YPEL2: variants seen among roughly 807,000 people sequenced by gnomAD.
YPEL2 encodes the protein yippee like 2.
Under a neutral mutation model 19.1 loss-of-function variants are expected in YPEL2, and 2 were observed. The observed-to-expected ratio is 0.10, with a 90% confidence interval of 0.04 to 0.33. The LOEUF is 0.33. Among genes scored for constraint, YPEL2 ranks in the 10% least tolerant of loss-of-function variants. YPEL2 has a pLI of 1.00. For synonymous variants in YPEL2, 52 were observed against 50.0 expected, an observed-to-expected ratio of 1.04 and a Z score of -0.17; for missense variants, 66 against 140.7, an observed-to-expected ratio of 0.47 and a Z score of 2.68.
intron 2 of YPEL2, among the ~76,000 whole-genome samples, chr17:59,380,735 T>G (rs2047945072): frequency 6.6e-6 from 1 of 152,240 alleles, no homozygotes; most frequent in Non-Finnish European, 1.5e-5. Context: ...TATGACTCTT[T>G]GAAGCTTGTG....
intron 2 of YPEL2, among the ~76,000 whole-genome samples, chr17:59,388,088 C>A (rs948675259): frequency 2.6e-5 from 4 of 152,116 alleles, no homozygotes; most frequent in Admixed American, 2.6e-4. Context: ...GGGTTTTTTT[C>A]ATTTTCTCAC....
chr17:59,367,316 C>T (rs2047875270), intron 2 of YPEL2, among the ~76,000 whole-genome samples: 1 of 152,130 alleles, frequency 6.6e-6, no homozygotes, highest in African/African-American at 2.4e-5. Flanking sequence ...CACTAACTTC[C>T]AGAGTAGGGG....
chr17:59,338,185 A>G (rs549738243), intron 1 of YPEL2, among the ~76,000 whole-genome samples: 3 of 152,310 alleles, frequency 2.0e-5, no homozygotes, highest in African/African-American at 7.2e-5. Context: ...TGCTGGCTCC[A>G]TGTGAGCTTA....
At chr17:59,379,222 C>A (rs1261750488) in intron 2 of YPEL2, among the ~76,000 whole-genome samples, 1 of 152,210 alleles carries the variant, frequency 6.6e-6, no homozygotes, top group Non-Finnish European at 1.5e-5. Context: ...TCACCCCTCT[C>A]ACTTTCTCCG....
chr17:59,391,516 T>C (rs191885683), intron 4 of YPEL2, among the ~76,000 whole-genome samples: 2 of 151,938 alleles, frequency 1.3e-5, no homozygotes, highest in African/African-American at 4.8e-5. Context: ...GTGGAAATCA[T>C]TAAAAAAAAA....
chr17:59,353,322 C>A lies in YPEL2; in HGVS notation c.-88C>A. ...CCCGCTGCCAAACCACGGCCTTTAC[C>A]TGTGTCTTCCGGTGTTTCCCGTGCG... On this transcript the variant is annotated 5_prime_UTR_variant, in exon 2 of 5. It adds an upstream start codon to the 5' untranslated region. Transcript: ENST00000312655. This position sits in a 1 kb window ranked among gnomAD's most constrained non-coding sequence, Gnocchi z 4.8. 1 of 966,268 alleles carries A rather than the reference C, an allele frequency of 1.0e-6. No homozygotes were observed. The highest frequency in any genetic ancestry group is 1.6e-6 in the Non-Finnish European group (1 of 633,884). The allele number at this position is 966,268 out of a possible 1,614,324, so 59.9% of individuals were successfully genotyped here.
intron 2 of YPEL2, among the ~76,000 whole-genome samples, chr17:59,369,895 G>A (rs2047888296): frequency 6.6e-6 from 1 of 152,174 alleles, no homozygotes; most frequent in South Asian, 2.1e-4. Flanking sequence ...TAAGGGGCAG[G>A]CATTGTGCTA....
At chr17:59,341,291 C>G (rs145755646) in intron 1 of YPEL2, among the ~76,000 whole-genome samples, 6,125 of 152,060 alleles carry the variant, frequency 0.04, 156 homozygotes, top group Non-Finnish European at 0.048. Flanking sequence ...ACTCGGGAGG[C>G]TGAGGCAGGA....
rs769865106 is a variant in YPEL2 at position 59,353,585 on chromosome 17, A to G, written c.117+59A>G. 1.6e-6 allele frequency: 2 copies of G among 1,285,610 alleles called. No individual in the cohort carries two copies. The highest frequency in any genetic ancestry group is 1.2e-5 in the South Asian group (1 of 84,560). The allele number at this position is 1,285,610 out of a possible 1,614,324, so 79.6% of individuals were successfully genotyped here. A position where few individuals can be genotyped will look rare whatever the true frequency, so the allele number is the denominator to read the frequency against. ...CCGGGGAGGGCGCTTAGTGCTCCTG[A>G]AGTTGCAGAGGTTTACAAGCTCTCA... is the stretch of plus-strand genomic sequence containing the variant. On this transcript the variant is annotated intron_variant, in intron 2 of 4. Coordinates refer to ENST00000312655, the MANE Select transcript of YPEL2 (RefSeq NM_001005404.4). This position sits in a 1 kb window ranked among gnomAD's most constrained non-coding sequence, Gnocchi z 4.8.
chr17:59,360,183 TCTC>T (rs553336119), intron 2 of YPEL2, among the ~76,000 whole-genome samples: 15 of 152,332 alleles, frequency 9.8e-5, no homozygotes, highest in African/African-American at 3.4e-4. Flanking sequence ...TTCACGCCAT[TCTC>T]CTGCCTCAGC....
intron 1 of YPEL2, among the ~76,000 whole-genome samples, chr17:59,341,958 G>T (rs1020505720): frequency 6.6e-6 from 1 of 152,306 alleles, no homozygotes; most frequent in Non-Finnish European, 1.5e-5. Flanking sequence ...TTGGGCTGGC[G>T]ATGGCTGGGT....
chr17:59,382,988 T>C (rs1000166679), intron 2 of YPEL2, among the ~76,000 whole-genome samples: 1 of 152,142 alleles, frequency 6.6e-6, no homozygotes, highest in Admixed American at 6.5e-5. Context: ...TTCACAAATA[T>C]AATTTTAAAA....
intron 4 of YPEL2, among the ~76,000 whole-genome samples, chr17:59,394,907 C>T (rs528615035): frequency 2.2e-3 from 328 of 152,352 alleles, no homozygotes; most frequent in Non-Finnish European, 3.5e-3. Flanking sequence ...GCCAACACAG[C>T]GAAACCCCGT....
intron 2 of YPEL2, among the ~76,000 whole-genome samples, chr17:59,365,579 G>A (rs115196142): frequency 4.6e-5 from 7 of 152,080 alleles, no homozygotes; most frequent in African/African-American, 7.2e-5. Flanking sequence ...CACTTCGGGT[G>A]GGGGGGAATC....
intron 1 of YPEL2, among the ~76,000 whole-genome samples, chr17:59,332,245 C>G (rs910132646): frequency 6.6e-6 from 1 of 152,134 alleles, no homozygotes; most frequent in Non-Finnish European, 1.5e-5. Context: ...GCCCTCCGTC[C>G]TCTCGTGACG....
At chr17:59,344,512 C>G (rs1256865870) in intron 1 of YPEL2, among the ~76,000 whole-genome samples, 2 of 152,202 alleles carry the variant, frequency 1.3e-5, no homozygotes, top group African/African-American at 4.8e-5. Context: ...AATCCCAGCA[C>G]TTTGAGAGGC....
At chr17:59,370,802 A>C (rs905371175) in intron 2 of YPEL2, among the ~76,000 whole-genome samples, 2 of 152,060 alleles carry the variant, frequency 1.3e-5, no homozygotes, top group African/African-American at 2.4e-5. Flanking sequence ...ATCCTTCCTT[A>C]AGCTGTTTGC....
Position 59,353,179 on chromosome 17 carries a change from T to G in YPEL2, c.-195-36T>G. On this transcript the variant is annotated intron_variant, in intron 1 of 4. Coordinates refer to ENST00000312655, the MANE Select transcript of YPEL2 (RefSeq NM_001005404.4). This position sits in a 1 kb window ranked among gnomAD's most constrained non-coding sequence, Gnocchi z 4.8. ...TTGCTTTGTAGGGAGCCCTGCTCCA[T>G]CAGCCAATGTTAGTCCTCTTCCCTT... 1 of 406,094 alleles carries G rather than the reference T, an allele frequency of 2.5e-6. No individual in the cohort carries two copies. Among genetic ancestry groups the G allele is most frequent in the South Asian group, 4.8e-5 (1 of 20,834 alleles). 25.2% of individuals were successfully genotyped at this position (406,094 alleles called of 1,614,324 possible).
intron 2 of YPEL2, among the ~76,000 whole-genome samples, chr17:59,369,227 A>G (rs16943470): frequency 0.079 from 12,027 of 152,276 alleles, 591 homozygotes; most frequent in South Asian, 0.15. Flanking sequence ...TGGTGTAGCC[A>G]TGAGGTTTGG....
Sources: gnomAD v4.1 joint callset for allele counts (sites outside exome capture counted in the v4.1 genomes callset) on GRCh38, gnomAD v4.1.1 for gene constraint, Gnocchi (gnomAD v3.1) non-coding constraint, MANE v1.5 for transcripts, NCBI Gene and HGNC (gene_info 2026-07-23, HGNC 2026-07-21) for gene names.